SATL1: variants seen among roughly 807,000 people sequenced by gnomAD.
The protein encoded by SATL1 is spermidine/spermine N1-acetyl transferase like 1, also known as spermidine/spermine N(1)-acetyltransferase-like protein 1.
A neutral mutation model predicts 51.8 loss-of-function variants in SATL1; 47 were observed. The observed-to-expected ratio is 0.91, with a 90% CI of 0.72 to 1.16. SATL1 has a LOEUF of 1.16. SATL1 is among the 50% of genes most tolerant of loss of function. SATL1 has a pLI of 0.00. For missense variants in SATL1, 520 were observed against 526.4 expected, an observed-to-expected ratio of 0.99 and a Z score of 0.12; for synonymous variants, 176 against 182.4, an observed-to-expected ratio of 0.97 and a Z score of 0.28.
intron 2 of SATL1, among the ~76,000 whole-genome samples, chrX:85,199,633 T>G (rs1037496515): frequency 1.3e-4 from 14 of 111,993 alleles, no homozygotes; most frequent in Admixed American, 2.9e-4. Flanking sequence ...ACAACATGCA[T>G]GGAACTGGAT....
At chrX:85,223,424 C>CA (rs1268641692) in intron 2 of SATL1, among the ~76,000 whole-genome samples, 1 of 111,278 alleles carries the variant, frequency 9.0e-6, no homozygotes, top group Admixed American at 9.6e-5. Context: ...CAAGAGAAGA[C>CA]AGAAGATATG....
At chrX:85,115,288 G>A (rs1925357516) in intron 2 of SATL1, among the ~76,000 whole-genome samples, 1 of 112,526 alleles carries the variant, frequency 8.9e-6, no homozygotes, top group Non-Finnish European at 1.9e-5. Flanking sequence ...AAAGCAAATA[G>A]GTGAGTTCCT....
At chrX:85,192,858 A>G (rs1043525711) in intron 2 of SATL1, among the ~76,000 whole-genome samples, 2 of 111,940 alleles carry the variant, frequency 1.8e-5, no homozygotes, top group African/African-American at 6.5e-5. Flanking sequence ...CTTAGAGATG[A>G]CATTTGGTAA....
At chrX:85,096,821 T>C (rs1924734891) in intron 4 of SATL1, among the ~76,000 whole-genome samples, 1 of 94,044 alleles carries the variant, frequency 1.1e-5, no homozygotes, top group African/African-American at 4.1e-5. Context: ...AAATGAGGGA[T>C]AAATTAAGAC....
chrX:85,222,308 G>A, intron 2 of SATL1, among the ~76,000 whole-genome samples: 1 of 111,632 alleles, frequency 9.0e-6, no homozygotes, highest in Non-Finnish European at 1.9e-5. Context: ...ACTTGAGACA[G>A]TGCCCAGCAA....
intron 2 of SATL1, among the ~76,000 whole-genome samples, chrX:85,174,251 T>C: frequency 9.0e-6 from 1 of 110,629 alleles, no homozygotes; most frequent in East Asian, 2.8e-4. Context: ...CATGTTTCTT[T>C]ATAGCAGCAA....
intron 2 of SATL1, among the ~76,000 whole-genome samples, chrX:85,126,790 G>C (rs1169374721): frequency 1.8e-5 from 2 of 109,928 alleles, no homozygotes; most frequent in Non-Finnish European, 3.8e-5. Flanking sequence ...CAGCCTCCAG[G>C]GGTTGGAGTA....
chrX:85,210,318 T>C (rs1409092801), intron 2 of SATL1: 1 of 107,080 alleles, frequency 9.3e-6, no homozygotes, highest in Non-Finnish European at 1.9e-5. Context: ...TAAGTTTTGC[T>C]TAGAACAATT....
At chrX:85,242,784 T>G (rs892384260) in intron 1 of SATL1, among the ~76,000 whole-genome samples, 2 of 111,766 alleles carry the variant, frequency 1.8e-5, no homozygotes, top group Non-Finnish European at 3.8e-5. Context: ...ATCTATCTAT[T>G]TATCATACTT....
intron 2 of SATL1, among the ~76,000 whole-genome samples, chrX:85,169,161 A>G (rs772298018): frequency 8.9e-6 from 1 of 112,531 alleles, no homozygotes; most frequent in South Asian, 3.6e-4. Flanking sequence ...CCAAAAGTAT[A>G]AAAACCCTGG....
At chrX:85,158,334 C>T (rs945651775) in intron 2 of SATL1, among the ~76,000 whole-genome samples, 1 of 111,660 alleles carries the variant, frequency 9.0e-6, no homozygotes, top group African/African-American at 3.3e-5. Context: ...TTACGTTTAG[C>T]ACAAAGTAGC....
At chrX:85,224,677 G>C (rs1432318630) in intron 1 of SATL1, among the ~76,000 whole-genome samples, 1 of 105,703 alleles carries the variant, frequency 9.5e-6, no homozygotes, top group Non-Finnish European at 1.9e-5. Context: ...TTTCAGGAAA[G>C]TTTTTGCCTT....
At chrX:85,179,344 T>A (rs1422966414) in intron 2 of SATL1, among the ~76,000 whole-genome samples, 1 of 111,719 alleles carries the variant, frequency 9.0e-6, no homozygotes, top group Non-Finnish European at 1.9e-5. Flanking sequence ...TAGTCTGTTA[T>A]CTAATTTAAA....
At chrX:85,158,520 A>C (rs747617358) in intron 2 of SATL1, among the ~76,000 whole-genome samples, 5 of 112,154 alleles carry the variant, frequency 4.5e-5, no homozygotes, top group Admixed American at 2.8e-4. Flanking sequence ...CCTTTTAAAA[A>C]TTTATCTACC....
At chrX:85,123,163 T>C (rs1602848067) in intron 2 of SATL1, among the ~76,000 whole-genome samples, 1 of 111,637 alleles carries the variant, frequency 9.0e-6, no homozygotes, top group Non-Finnish European at 1.9e-5. Flanking sequence ...TATATTATTA[T>C]TTTTTGGGTA....
In SATL1 at chrX:85,107,512, G is replaced by A. The variant is rs1463748935; in HGVS notation, c.1457C>T (p.Pro486Leu). 1.7e-6 allele frequency: 2 copies of A among 1,210,716 alleles called. No individual in the cohort carries two copies. Among genetic ancestry groups the A allele is most frequent in the South Asian group, 1.8e-5 (1 of 56,917 alleles). ...TTGTTGGCTCAGGCCTGGCTGACTC[G>A]GCCCCGGTTCCCATATGCCTGGTTG... ...RGQPGIWEPG[P>L]SQPGLSQQDL... is the part of the protein sequence containing the mutation. Residue 486 changes from proline (P) to leucine (L), a missense_variant, in exon 3 of 8, where the codon CCG becomes CTG. This residue lies in a region of SATL1 where 488 missense variants were observed against 474.3 expected (regional missense o/e 1.03). Coordinates refer to ENST00000644105, the MANE Select transcript of SATL1 (RefSeq NM_001367857.2).
chrX:85,216,822 G>A (rs2147758685), intron 2 of SATL1, among the ~76,000 whole-genome samples: 1 of 111,969 alleles, frequency 8.9e-6, no homozygotes, highest in East Asian at 2.8e-4. Context: ...GTAGCTCATT[G>A]AGGGCGTCAT....
intron 2 of SATL1, among the ~76,000 whole-genome samples, chrX:85,114,269 G>C (rs1222759844): frequency 9.0e-6 from 1 of 111,257 alleles, no homozygotes; most frequent in Non-Finnish European, 1.9e-5. Context: ...GCTCTAAATA[G>C]CTCAAAAGAA....
intron 2 of SATL1, among the ~76,000 whole-genome samples, chrX:85,155,784 T>TA (rs2147724996): frequency 9.0e-6 from 1 of 111,625 alleles, no homozygotes; most frequent in East Asian, 2.8e-4. Context: ...CTATGTGGCC[T>TA]AGGGGCACTT....
Sources: gnomAD v4.1 joint callset for allele counts (sites outside exome capture counted in the v4.1 genomes callset) on GRCh38, gnomAD v4.1.1 for gene constraint, gnomAD v4.1.1 regional missense constraint, MANE v1.5 for transcripts, NCBI Gene and HGNC (gene_info 2026-07-23, HGNC 2026-07-21) for gene names.